The following FAM78B variants were observed in gnomAD, a reference collection of about 807,000 sequenced individuals.
FAM78B encodes the protein family with sequence similarity 78 member B, also known as protein FAM78B.
A neutral mutation model predicts 20.0 loss-of-function variants in FAM78B; 10 were observed. The ratio of observed to expected loss-of-function variants is 0.50; its 90% CI spans 0.31 to 0.85. FAM78B has a LOEUF of 0.85. Among genes scored for constraint, FAM78B ranks in the 40% least tolerant of loss-of-function variants. The pLI, the probability that FAM78B is intolerant of heterozygous loss-of-function variation, is 0.05. For missense variants in FAM78B, 283 were observed against 345.0 expected (o/e 0.82, Z 1.42); for synonymous variants, 135 against 132.8 (o/e 1.02, Z -0.12).
intron 1 of FAM78B, among the ~76,000 whole-genome samples, chr1:166,114,876 T>C (rs1654198838): frequency 6.6e-6 from 1 of 152,238 alleles, no homozygotes; most frequent in South Asian, 2.1e-4. Flanking sequence ...AGACTACATC[T>C]GATGCATGTG....
chr1:166,070,643 G>C lies in FAM78B; in HGVS notation c.384C>G (p.Thr128=). ...TTETVTLVGP[T]NKISRFSVSM... ...TGACGGAGAACCTGGAGATCTTGTT[G>C]GTGGGGCCAACCAGGGTCACAGTTT... Residue 128 remains threonine, a synonymous_variant, in exon 2 of 2, where the codon ACC becomes ACG. Transcript: ENST00000354422. 1 of 1,613,730 alleles carries C rather than the reference G, an allele frequency of 6.2e-7. No individual in the cohort carries two copies.
At chr1:166,061,378 T>C (rs1283464237) in intron 2 of FAM78B, among the ~76,000 whole-genome samples, 3 of 152,224 alleles carry the variant, frequency 2.0e-5, no homozygotes, top group African/African-American at 7.2e-5. Flanking sequence ...GAATTTTTGA[T>C]ATGCTCTGTC....
chr1:166,100,171 A>T (rs940104496), intron 1 of FAM78B, among the ~76,000 whole-genome samples: 1 of 152,264 alleles, frequency 6.6e-6, no homozygotes, highest in Non-Finnish European at 1.5e-5. Context: ...ATTGAGTCAA[A>T]AACAAAATCA....
intron 1 of FAM78B, among the ~76,000 whole-genome samples, chr1:166,076,116 T>C (rs1652262973): frequency 6.6e-6 from 1 of 152,230 alleles, no homozygotes; most frequent in South Asian, 2.1e-4. Flanking sequence ...GCGTCCCTGT[T>C]CTATTGTCAA....
At chr1:166,116,879 T>G (rs1654278567) in intron 1 of FAM78B, among the ~76,000 whole-genome samples, 1 of 152,096 alleles carries the variant, frequency 6.6e-6, no homozygotes, top group African/African-American at 2.4e-5. Flanking sequence ...AATCTTAAGG[T>G]TCCTTCCAGC....
intron 1 of FAM78B, among the ~76,000 whole-genome samples, chr1:166,075,794 T>C (rs908929407): frequency 2.0e-5 from 3 of 152,354 alleles, no homozygotes; most frequent in African/African-American, 7.2e-5. Flanking sequence ...TCTCATCTGG[T>C]CTCATGATTT....
chr1:166,071,282 G>A (rs1652020542), intron 1 of FAM78B, among the ~76,000 whole-genome samples: 1 of 152,242 alleles, frequency 6.6e-6, no homozygotes, highest in Non-Finnish European at 1.5e-5. Context: ...AAAGAGGGTT[G>A]TTTAAATTCT....
At chr1:166,093,312 GT>G (rs1653151419) in intron 1 of FAM78B, among the ~76,000 whole-genome samples, 1 of 152,128 alleles carries the variant, frequency 6.6e-6, no homozygotes, top group Non-Finnish European at 1.5e-5. Context: ...GTGAACAATG[GT>G]TGTAATCAGC....
At chr1:166,099,793 T>G (rs375419579) in intron 1 of FAM78B, among the ~76,000 whole-genome samples, 8 of 152,318 alleles carry the variant, frequency 5.3e-5, no homozygotes, top group Non-Finnish European at 1.0e-4. Context: ...CTAATTGACC[T>G]AAGAAATGAG....
intron 1 of FAM78B, among the ~76,000 whole-genome samples, chr1:166,084,934 C>T (rs1571146797): frequency 6.6e-6 from 1 of 152,242 alleles, no homozygotes; most frequent in African/African-American, 2.4e-5. Flanking sequence ...AAGGCCTTAA[C>T]ACCGTGAACA....
chr1:166,165,916 G>C (rs1656356579), intron 1 of FAM78B, 70 bp downstream of exon 1: 4 of 1,581,420 alleles, frequency 2.5e-6, no homozygotes, highest in Non-Finnish European at 3.5e-6. Flanking sequence ...GAGCTGGGGA[G>C]GGGGGTCAAG....
intron 1 of FAM78B, among the ~76,000 whole-genome samples, chr1:166,079,273 C>T (rs896971597): frequency 4.6e-5 from 7 of 152,152 alleles, no homozygotes; most frequent in Non-Finnish European, 7.3e-5. Flanking sequence ...TATCTTCTGG[C>T]CATGCTCTTT....
chr1:166,134,752 G>A (rs964004421), intron 1 of FAM78B, among the ~76,000 whole-genome samples: 2 of 152,048 alleles, frequency 1.3e-5, no homozygotes, highest in East Asian at 3.9e-4. Flanking sequence ...AACTTAAAAC[G>A]ATTAGAAAAT....
chr1:166,152,176 C>T (rs1488145949), intron 1 of FAM78B, among the ~76,000 whole-genome samples: 5 of 152,182 alleles, frequency 3.3e-5, no homozygotes, highest in Non-Finnish European at 7.3e-5. Context: ...TCTCTGGAAT[C>T]TTCTAGCTAA....
At chr1:166,098,651 T>A (rs1653378310) in intron 1 of FAM78B, among the ~76,000 whole-genome samples, 1 of 151,614 alleles carries the variant, frequency 6.6e-6, no homozygotes, top group African/African-American at 2.4e-5. Flanking sequence ...AATTCAGAGC[T>A]CAAAGACAAA....
intron 1 of FAM78B, among the ~76,000 whole-genome samples, chr1:166,144,004 A>G (rs569095188): frequency 6.6e-6 from 1 of 152,284 alleles, no homozygotes; most frequent in African/African-American, 2.4e-5. Context: ...AACACATCTG[A>G]TGACAATAAA....
intron 1 of FAM78B, among the ~76,000 whole-genome samples, chr1:166,133,105 A>C (rs906529303): frequency 6.6e-6 from 1 of 152,084 alleles, no homozygotes; most frequent in Non-Finnish European, 1.5e-5. Context: ...GAGATTGCTG[A>C]CTCTGAGAAT....
intron 1 of FAM78B, among the ~76,000 whole-genome samples, chr1:166,095,707 C>T (rs552418480): frequency 7.2e-5 from 11 of 152,234 alleles, no homozygotes; most frequent in Middle Eastern, 3.4e-3. Context: ...GAATTGCTTA[C>T]GTGATAGATA....
At chr1:166,153,475 G>A (rs1655767348) in intron 1 of FAM78B, among the ~76,000 whole-genome samples, 1 of 152,244 alleles carries the variant, frequency 6.6e-6, no homozygotes, top group Admixed American at 6.5e-5. Context: ...AGGCAGCAGG[G>A]CCAATCGATC....
Sources: allele counts gnomAD v4.1 joint callset (sites outside exome capture counted in the v4.1 genomes callset), GRCh38; gene constraint gnomAD v4.1.1; transcripts MANE v1.5; gene names NCBI Gene and HGNC (gene_info 2026-07-23, HGNC 2026-07-21).